Variants in FANCL observed in about 807,000 individuals in gnomAD.
The protein encoded by FANCL is FA complementation group L.
Under a neutral mutation model 59.4 loss-of-function variants are expected in FANCL, and 69 were observed. The ratio of observed to expected loss-of-function variants is 1.16; its 90% confidence interval spans 0.96 to 1.42. The LOEUF is 1.42. Ranked by LOEUF, FANCL falls within the 40% of genes most tolerant of loss-of-function variation. The pLI is 0.00. For missense variants in FANCL, 519 were observed against 447.2 expected (o/e 1.16, Z -1.45); for synonymous variants, 180 against 147.1 (o/e 1.22, Z -1.62).
chr2:58,203,252 C>G (rs1209869971), intron 6 of FANCL, among the ~76,000 whole-genome samples: 1 of 151,692 alleles, frequency 6.6e-6, no homozygotes, highest in Non-Finnish European at 1.5e-5. Context: ...TATAAGATAT[C>G]AACTTTTCTG....
At chr2:58,165,675 T>G in intron 8 of FANCL, 49 bp downstream of exon 8, 2 of 1,606,926 alleles carry the variant, frequency 1.2e-6, no homozygotes, top group Non-Finnish European at 1.7e-6. Context: ...ATTTTCATAA[T>G]ACAAAATAAA....
intron 7 of FANCL, among the ~76,000 whole-genome samples, chr2:58,188,163 T>C (rs1348780810): frequency 2.6e-5 from 4 of 152,206 alleles, no homozygotes; most frequent in African/African-American, 9.6e-5. Flanking sequence ...GTTGAAAGAC[T>C]GTCCTTCCTC....
At chr2:58,191,961 T>C (rs769939354) in intron 7 of FANCL, among the ~76,000 whole-genome samples, 13 of 151,954 alleles carry the variant, frequency 8.6e-5, no homozygotes, top group African/African-American at 1.2e-4. Flanking sequence ...GGTCATGCAC[T>C]GGTAAAGACA....
At chr2:58,204,273 G>C (rs747077812) in intron 5 of FANCL, 47 bp from the exon 6 acceptor site, 4 of 1,352,998 alleles carry the variant, frequency 3.0e-6, no homozygotes, top group Non-Finnish European at 4.2e-6. Context: ...GGGAGAGCTG[G>C]AGAGGGGAAC....
At chr2:58,163,232 ATTGTCATT>A (rs1347565901) in intron 9 of FANCL, 158 bp from the exon 10 acceptor site, 9 of 753,888 alleles carry the variant, frequency 1.2e-5, no homozygotes, top group African/African-American at 1.8e-5. Context: ...ATGCTGAGAC[ATTGTCATT>A]TAAAATAACT....
At chr2:58,191,185 G>A (rs1688886102) in intron 7 of FANCL, among the ~76,000 whole-genome samples, 2 of 151,598 alleles carry the variant, frequency 1.3e-5, no homozygotes, top group Admixed American at 6.6e-5. Flanking sequence ...CAGAGTCCCT[G>A]TCAGGAACAA....
intron 6 of FANCL, among the ~76,000 whole-genome samples, chr2:58,199,854 T>C (rs757071062): frequency 7.2e-5 from 11 of 152,102 alleles, no homozygotes; most frequent in Non-Finnish European, 1.5e-4. Context: ...CTTTCACTTT[T>C]TTCAGCCTCT....
chr2:58,170,470 T>G (rs967654084), intron 7 of FANCL, among the ~76,000 whole-genome samples: 19 of 151,720 alleles, frequency 1.3e-4, no homozygotes, highest in Admixed American at 2.6e-4. Flanking sequence ...ATGAAGAAAC[T>G]GCATCAACTA....
chr2:58,172,770 G>C (rs1100190), intron 7 of FANCL, among the ~76,000 whole-genome samples: 40,016 of 152,096 alleles, frequency 0.26, 6,384 homozygotes, highest in South Asian at 0.41. Context: ...ACCAGCAATG[G>C]AACAAAGCTG....
chr2:58,234,311 G>C (rs1030674921), intron 1 of FANCL, among the ~76,000 whole-genome samples: 3 of 151,778 alleles, frequency 2.0e-5, no homozygotes, highest in African/African-American at 4.8e-5. Context: ...GAAAAGAAAT[G>C]AATGAGCTGA....
chr2:58,191,144 A>G (rs951370320), intron 7 of FANCL, among the ~76,000 whole-genome samples: 1 of 151,830 alleles, frequency 6.6e-6, no homozygotes, highest in Non-Finnish European at 1.5e-5. Flanking sequence ...AAAAATTCAA[A>G]TAGACATATA....
At position 58,162,901 on chromosome 2, in the gene FANCL, T is replaced by C; in HGVS notation, c.868A>G (p.Ile290Val). The part of the protein sequence containing the change: ...VLQNLKDVLE[I>V]DFPARAILEK... ...AGGATAGCACGAGCTGGAAAATCAATTTCTAAAACATCTTTCAAATTTTGT... is the reference window on the plus strand; with the variant it reads ...AGGATAGCACGAGCTGGAAAATCAACTTCTAAAACATCTTTCAAATTTTGT... The change falls in exon 11 of 14, where the codon ATT (isoleucine) becomes GTT (valine). Residue 290 changes from isoleucine to valine, a missense_variant. Ile to Val is a conservative substitution (Grantham distance 29, BLOSUM62 3). Transcript: ENST00000233741. 1.9e-6 allele frequency: 3 copies of C among 1,612,906 alleles called. No individual in the cohort carries two copies. The highest frequency in any genetic ancestry group is 1.1e-5 in the South Asian group (1 of 91,054).
intron 5 of FANCL, among the ~76,000 whole-genome samples, chr2:58,219,045 TA>T (rs1692140477): frequency 7.3e-6 from 1 of 136,212 alleles, no homozygotes. Context: ...CACTCACAAA[TA>T]AAAGCAACCA....
intron 7 of FANCL, among the ~76,000 whole-genome samples, chr2:58,181,785 AT>A (rs1433744490): frequency 6.6e-6 from 1 of 151,850 alleles, no homozygotes; most frequent in Non-Finnish European, 1.5e-5. Context: ...GGAGGGGGGA[AT>A]GAATCTCAAA....
At chr2:58,228,865 T>C (rs561063627) in intron 3 of FANCL, among the ~76,000 whole-genome samples, 3 of 152,218 alleles carry the variant, frequency 2.0e-5, no homozygotes, top group Admixed American at 1.3e-4. Flanking sequence ...ATCTTAATAT[T>C]AGACTACATA....
At chr2:58,170,896 G>A (rs1375440033) in intron 7 of FANCL, among the ~76,000 whole-genome samples, 1 of 152,052 alleles carries the variant, frequency 6.6e-6, no homozygotes, top group Non-Finnish European at 1.5e-5. Context: ...GACCTACAAA[G>A]AGACTTAAGA....
chr2:58,225,689 T>A (rs1489216925), intron 4 of FANCL, among the ~76,000 whole-genome samples: 1 of 152,002 alleles, frequency 6.6e-6, no homozygotes, highest in Non-Finnish European at 1.5e-5. Context: ...AGCCTCTAGA[T>A]CTAACTGCCA....
chr2:58,233,574 G>T (rs2103943086), intron 1 of FANCL, among the ~76,000 whole-genome samples: 1 of 152,048 alleles, frequency 6.6e-6, no homozygotes, highest in East Asian at 1.9e-4. Context: ...TTTTCAGCCA[G>T]AAGACAGGGT....
chr2:58,199,823 AT>A (rs1312813951), intron 6 of FANCL, among the ~76,000 whole-genome samples: 1 of 151,178 alleles, frequency 6.6e-6, no homozygotes, highest in African/African-American at 2.4e-5. Context: ...CATTTGACAA[AT>A]TATTAAAAGA....
Sources: allele counts gnomAD v4.1 joint callset (sites outside exome capture counted in the v4.1 genomes callset), GRCh38; gene constraint gnomAD v4.1.1; transcripts MANE v1.5; gene names NCBI Gene and HGNC (gene_info 2026-07-23, HGNC 2026-07-21).